Variants in DNAH5 observed in about 807,000 individuals in gnomAD.
DNAH5 encodes axonemal beta dynein heavy chain 5.
DNAH5 carries 372 observed loss-of-function variants against 518.2 expected under a neutral mutation model. That is an observed-to-expected ratio of 0.72 (90% CI 0.66 to 0.78). DNAH5 has a LOEUF of 0.78. Ranked by LOEUF, DNAH5 falls within the 30% of genes least tolerant of loss-of-function variation. The pLI is 0.00. For synonymous variants in DNAH5, 2,039 were observed against 2,025.9 expected (o/e 1.01, Z -0.17); for missense variants, 5,523 against 5,687.0 (o/e 0.97, Z 0.93).
At position 13,844,820 on chromosome 5, in the gene DNAH5, A is replaced by T; in HGVS notation, c.5271+17T>A. On this transcript the variant is annotated intron_variant, in intron 32 of 78. Transcript: ENST00000265104. ...AAGGTACGGTGATTGTTGGCCTGCC[A>T]TTAGAATTAGGCGAACCTTTTCGTG... The T allele has an allele frequency of 6.2e-7, 1 of 1,614,186 alleles. No homozygotes were observed. Among genetic ancestry groups the T allele is most frequent in the African/African-American group, 1.3e-5 (1 of 75,062 alleles).
intron 66 of DNAH5, among the ~76,000 whole-genome samples, chr5:13,737,037 CAACT>C (rs1181555877): frequency 1.3e-5 from 2 of 152,070 alleles, no homozygotes; most frequent in African/African-American, 2.4e-5. Flanking sequence ...AAGGATTTAC[CAACT>C]AACATGAATG....
intron 60 of DNAH5, among the ~76,000 whole-genome samples, chr5:13,760,518 T>C (rs554353137): frequency 2.4e-4 from 37 of 152,358 alleles, no homozygotes; most frequent in African/African-American, 8.2e-4. Context: ...TCTGCTTTTT[T>C]ATAACATTCT....
intron 58 of DNAH5, among the ~76,000 whole-genome samples, chr5:13,767,022 AT>A (rs5866065): frequency 0.31 from 46,389 of 151,764 alleles, 7,537 homozygotes; most frequent in South Asian, 0.42. Flanking sequence ...AAAGTGAATG[AT>A]TTTTTTCTCC....
At chr5:13,934,215 T>C (rs774066581) in intron 1 of DNAH5, among the ~76,000 whole-genome samples, 22 of 152,192 alleles carry the variant, frequency 1.4e-4, no homozygotes, top group Admixed American at 2.6e-4. Flanking sequence ...TGGTCAGCGG[T>C]ACCATCTGAC....
rs150429110 is a variant in DNAH5 at position 13,840,972 on chromosome 5, C to T, written c.5643G>A (p.Thr1881=). ...TCAGAGTCTCGTATTTCACTCGTTCCGTGGAACTCAGATCCCTCGTGGTGA... is the reference window on the plus strand; with the variant it reads ...TCAGAGTCTCGTATTTCACTCGTTCTGTGGAACTCAGATCCCTCGTGGTGA... The part of the protein sequence containing the change: ...IDVTTRDLSS[T]ERVKYETLIT... The change falls in exon 34 of 79, where the codon ACG becomes ACA. Residue 1881 remains threonine (T), a synonymous_variant. Transcript: ENST00000265104. 9.0e-5 allele frequency: 146 copies of T among 1,614,102 alleles called. No homozygotes were observed. In the African/African-American group the frequency reaches 1.6e-3, roughly 17 times the overall value.
chr5:13,735,259 T>G lies in DNAH5; in HGVS notation c.11633A>C (p.Glu3878Ala), dbSNP rs1747215968. Residue 3878 changes from glutamate to alanine, a missense_variant, in exon 68 of 79, where the codon GAG becomes GCG. Glu to Ala is a moderately radical substitution (Grantham distance 107, BLOSUM62 -1). Coordinates refer to ENST00000265104, the MANE Select transcript of DNAH5 (RefSeq NM_001369.3). ...IANIIEHMTY[E>A]VYKYAARGLY... ...CCCTCGGGCAGCATACTTATAAACCTCGTAGGTCATGTGCTCGATGATATT... is the reference window on the plus strand; with the variant it reads ...CCCTCGGGCAGCATACTTATAAACCGCGTAGGTCATGTGCTCGATGATATT... 25 of 1,614,016 alleles carry G rather than the reference T, an allele frequency of 1.5e-5. No homozygotes were observed. The highest frequency in any genetic ancestry group is 2.0e-5 in the Non-Finnish European group (24 of 1,180,014).
At chr5:13,999,147 C>G (rs1346715698) in intron 1 of DNAH5, among the ~76,000 whole-genome samples, 1 of 152,270 alleles carries the variant, frequency 6.6e-6, no homozygotes, top group African/African-American at 2.4e-5. Flanking sequence ...GCTGGGATTA[C>G]AGGCGTGAGC....
At chr5:13,931,416 C>T (rs908638690) in intron 1 of DNAH5, among the ~76,000 whole-genome samples, 172 bp from the exon 2 acceptor site, 5 of 152,014 alleles carry the variant, frequency 3.3e-5, no homozygotes, top group Admixed American at 6.5e-5. Flanking sequence ...TAATTTATTT[C>T]TCTTATGAAA....
chr5:13,759,861 T>TGA (rs763163551), intron 60 of DNAH5, among the ~76,000 whole-genome samples: 1 of 152,198 alleles, frequency 6.6e-6, no homozygotes, highest in Non-Finnish European at 1.5e-5. Context: ...CTGAAGTATT[T>TGA]GAGAAAAGAT....
chr5:13,858,500 T>G (rs1767941487), intron 30 of DNAH5, among the ~76,000 whole-genome samples: 3 of 152,086 alleles, frequency 2.0e-5, no homozygotes, highest in Admixed American at 2.0e-4. Context: ...CAAACCACCA[T>G]GGCACCTGTA....
chr5:14,002,478 T>C (rs943220503), intron 1 of DNAH5, among the ~76,000 whole-genome samples: 1 of 152,192 alleles, frequency 6.6e-6, no homozygotes, highest in African/African-American at 2.4e-5. Context: ...CCGGATCAAC[T>C]TGACTAAATT....
intron 42 of DNAH5, among the ~76,000 whole-genome samples, chr5:13,816,713 G>A (rs1241247489): frequency 6.6e-6 from 1 of 152,106 alleles, no homozygotes; most frequent in Non-Finnish European, 1.5e-5. Context: ...TTTTTTAAAT[G>A]AAGCATTTTC....
chr5:13,998,325 C>T (rs1040279534), intron 1 of DNAH5, among the ~76,000 whole-genome samples: 14 of 152,196 alleles, frequency 9.2e-5, no homozygotes, highest in African/African-American at 2.9e-4. Flanking sequence ...CTCCCATTTA[C>T]AAGAGCAGAG....
intron 75 of DNAH5, among the ~76,000 whole-genome samples, chr5:13,712,608 TCAAA>T (rs1469365998): frequency 6.6e-6 from 1 of 151,784 alleles, no homozygotes; most frequent in African/African-American, 2.4e-5. Context: ...CACAACGAAC[TCAAA>T]CAAATCAGTA....
At chr5:13,930,186 C>A (rs1322383329) in intron 2 of DNAH5, among the ~76,000 whole-genome samples, 1 of 152,154 alleles carries the variant, frequency 6.6e-6, no homozygotes, top group Non-Finnish European at 1.5e-5. Flanking sequence ...AGTAGCCCAG[C>A]AGGAAGGAAT....
chr5:13,944,392 C>CGAGT lies in DNAH5; in HGVS notation c.43_46dup (p.Arg16HisfsTer24). ...ACAACAGCACCTTACCGTTAAAACT[C>CGAGT]GAGTGACGCTATGCTTCCAGAGCTG... On this transcript the variant is annotated frameshift_variant, in exon 1 of 79. Transcript: ENST00000265104. LOFTEE classifies it high-confidence loss of function. 1 of 1,613,804 alleles carries CGAGT rather than the reference C, an allele frequency of 6.2e-7. No homozygotes were observed. Among genetic ancestry groups the CGAGT allele is most frequent in the Non-Finnish European group, 8.5e-7 (1 of 1,179,902 alleles).
intron 46 of DNAH5, 129 bp downstream of exon 46, chr5:13,808,915 G>T (rs1307342866): frequency 2.0e-5 from 22 of 1,092,066 alleles, no homozygotes; most frequent in Non-Finnish European, 2.8e-5. Flanking sequence ...AGCCGAGATC[G>T]CGCCACTGCA....
intron 74 of DNAH5, among the ~76,000 whole-genome samples, chr5:13,715,722 AT>A (rs1265778640): frequency 6.6e-6 from 1 of 152,126 alleles, no homozygotes; most frequent in African/African-American, 2.4e-5. Flanking sequence ...GAAAATCAGA[AT>A]TTTTTCCCCA....
chr5:13,758,068 C>A (rs919065627), intron 61 of DNAH5, among the ~76,000 whole-genome samples: 1 of 149,874 alleles, frequency 6.7e-6, no homozygotes, highest in African/African-American at 2.5e-5. Flanking sequence ...TCTAGAGAGA[C>A]CACTTTGTAA....
Sources: allele counts gnomAD v4.1 joint callset (sites outside exome capture counted in the v4.1 genomes callset), GRCh38; gene constraint gnomAD v4.1.1; transcripts MANE v1.5; gene names NCBI Gene and HGNC (gene_info 2026-07-23, HGNC 2026-07-21).